EHMT2: variants seen among roughly 807,000 people sequenced by gnomAD.
EHMT2 encodes the protein euchromatic histone lysine methyltransferase 2.
EHMT2 carries 59 observed loss-of-function variants against 143.3 expected under a neutral mutation model. That is an observed-to-expected ratio of 0.41 (90% CI 0.33 to 0.51). The LOEUF is 0.51. Among genes scored for constraint, EHMT2 ranks in the 20% least tolerant of loss-of-function variants. EHMT2 has a pLI of 0.18. For missense variants in EHMT2, 1,174 were observed against 1,645.9 expected, an observed-to-expected ratio of 0.71 and a Z score of 4.96; for synonymous variants, 604 against 651.5, an observed-to-expected ratio of 0.93 and a Z score of 1.11.
chr6:31,894,180 CTTG>C (rs1766060071), intron 4 of EHMT2, among the ~76,000 whole-genome samples: 1 of 151,312 alleles, frequency 6.6e-6, no homozygotes, highest in South Asian at 2.1e-4. Flanking sequence ...GAGTTTTGCT[CTTG>C]TTGTCCAGGC....
intron 5 of EHMT2, 44 bp downstream of exon 5, chr6:31,892,782 G>C (rs1348116022): frequency 6.8e-6 from 11 of 1,612,856 alleles, no homozygotes; most frequent in South Asian, 2.2e-5. Context: ...GAAACCTTCA[G>C]AACAGACCAC....
Position 31,883,778 on chromosome 6 carries a change from T to C in EHMT2, c.2916+28A>G, listed in dbSNP as rs1326900043. 4 of 1,609,762 alleles carry C rather than the reference T, an allele frequency of 2.5e-6. No homozygotes were observed. Among genetic ancestry groups the C allele is most frequent in the African/African-American group, 2.7e-5 (2 of 74,884 alleles). On this transcript the variant is annotated intron_variant, in intron 22 of 27. Coordinates refer to ENST00000375537, the Ensembl canonical transcript of EHMT2. This position sits in a 1 kb window ranked among gnomAD's most constrained non-coding sequence, Gnocchi z 5.6. ...GTACTTGGCAGCTCTCGGTGTCCTT[T>C]TGGGGAGGCCCCGGGCCCCCTACTC...
rs373341395 is a variant in EHMT2, at chr6:31,896,522, A to C, written c.329-6T>G. 2.5e-6 allele frequency: 4 copies of C among 1,612,152 alleles called. No individual in the cohort carries two copies. The highest frequency in any genetic ancestry group is 3.4e-6 in the Non-Finnish European group (4 of 1,179,592). Reference sequence around the variant, plus strand: ...GAATGACTTTGTGGCATGGCCTAGAAAACAGGCAAGCAAAAGGCAAGATAA... The same window carrying C: ...GAATGACTTTGTGGCATGGCCTAGACAACAGGCAAGCAAAAGGCAAGATAA... On this transcript the variant is annotated splice_polypyrimidine_tract_variant and splice_region_variant and intron_variant, in intron 3 of 27. Transcript: ENST00000375537.
At chr6:31,882,834 C>T in intron 24 of EHMT2, 49 bp from the exon 25 acceptor site, 1 of 1,611,818 alleles carries the variant, frequency 6.2e-7, no homozygotes, top group Non-Finnish European at 8.5e-7. Context: ...TGGAAAAGCC[C>T]CAGGGGCAGG....
intron 4 of EHMT2, chr6:31,895,991 C>T (rs1766359674): frequency 2.5e-6 from 1 of 393,726 alleles, no homozygotes; most frequent in Non-Finnish European, 4.5e-6. Context: ...GTTTGAAATT[C>T]CCTTACCTTG....
intron 1 of EHMT2, 110 bp from the exon 2 acceptor site, chr6:31,897,099 C>T (rs1766620350): frequency 6.9e-7 from 1 of 1,453,562 alleles, no homozygotes. Context: ...CCTACCTCTT[C>T]CTCTGTGGGG....
exon 3 of EHMT2, chr6:31,896,728 G>C (rs749076773): frequency 7.1e-5 from 114 of 1,612,830 alleles, no homozygotes; most frequent in Non-Finnish European, 9.4e-5. Flanking sequence ...GACAGTGACA[G>C]AGGCTGGAGA....
rs1197445263 is a variant in EHMT2, at chr6:31,880,687, A to G, written c.3438T>C (p.Thr1146=). The G allele has an allele frequency of 1.2e-6, 2 of 1,613,642 alleles. No individual in the cohort carries two copies. The highest frequency in any genetic ancestry group is 4.5e-5 in the East Asian group (2 of 44,892). Residue 1146 remains threonine (T), a synonymous_variant, in exon 27 of 28, where the codon ACT becomes ACC. Transcript: ENST00000375537. This position sits in a 1 kb window ranked among gnomAD's most constrained non-coding sequence, Gnocchi z 6.6. ...TAGAGTCTCACCCTAGCTCCTCCCC[A>G]GTCCGGATGTCTCGGGAACTGAAGA...
chr6:31,894,515 T>G (rs1468507665), intron 4 of EHMT2, among the ~76,000 whole-genome samples: 1 of 152,120 alleles, frequency 6.6e-6, no homozygotes, highest in Non-Finnish European at 1.5e-5. Flanking sequence ...ACTCCTGACC[T>G]CAGGTGATCC....
At position 31,883,896 on chromosome 6, in the gene EHMT2, A is replaced by T; in HGVS notation, c.2826T>A (p.Asp942Glu). The stretch of plus-strand genomic sequence containing the variant: ...TGTAATCCTCAGGGCAGGGCTCCCC[A>T]TCCACACCGTTGACACAGGGAATGG... The change falls in exon 22 of 28, where the codon GAT (aspartate) becomes GAA (glutamate). Residue 942 changes from aspartate (D) to glutamate (E), a missense_variant. By Grantham distance (45) the Asp-to-Glu change is conservative. Transcript: ENST00000375537. The surrounding 1 kb of genome is among the most constrained non-coding windows in gnomAD (Gnocchi z 5.6). 6.2e-7 allele frequency: 1 copy of T among 1,613,916 alleles called. No individual in the cohort carries two copies. The highest frequency in any genetic ancestry group is 8.5e-7 in the Non-Finnish European group (1 of 1,179,958).
intron 4 of EHMT2, chr6:31,893,472 A>G (rs1229333216): frequency 2.6e-6 from 1 of 381,656 alleles, no homozygotes; most frequent in East Asian, 7.8e-5. Flanking sequence ...CACATGTCAC[A>G]ATGCCTAACT....
In EHMT2 at chr6:31,890,660, T is replaced by C. The variant is rs556936194; in HGVS notation, c.865-1058A>G. 6.0e-5 allele frequency among the ~76,000 whole-genome samples: 9 copies of C among 150,668 alleles called. No homozygotes were observed. In the East Asian group the frequency reaches 1.9e-3, roughly 31 times the overall value. On this transcript the variant is annotated intron_variant, in intron 7 of 27. Coordinates refer to ENST00000375537, the Ensembl canonical transcript of EHMT2. The stretch of plus-strand genomic sequence containing the variant: ...GTGGGCAGATCACGAGATCAGGAGT[T>C]TGAGACCAGCCTGGCCAACATAGTG...
At chr6:31,897,570 C>G in intron 1 of EHMT2, 66 bp downstream of exon 1, 1 of 1,110,610 alleles carries the variant, frequency 9.0e-7, no homozygotes, top group Non-Finnish European at 1.1e-6. Flanking sequence ...GAGCATTGCA[C>G]GGGCGCGCGC....
At position 31,886,273 on chromosome 6, in the gene EHMT2, A is replaced by G. The variant is rs905125867; in HGVS notation, c.2343+308T>C. 9.9e-6 allele frequency: 4 copies of G among 406,074 alleles called. No homozygotes were observed. The Admixed American group carries it at 1.7e-4, about 17-fold the overall frequency. The allele number at this position is 406,074 out of a possible 1,614,324, so 25.2% of individuals were successfully genotyped here. The stretch of plus-strand genomic sequence containing the variant: ...CTTCTGGACAATGATGGAATAATTC[A>G]AAGACTGAGAAGAATGCCAATAAAT... On this transcript the variant is annotated intron_variant, in intron 18 of 27. Transcript: ENST00000375537.
rs1196481490 is a variant in EHMT2, at chr6:31,884,948, T to C, written c.2412A>G (p.Leu804=). The stretch of plus-strand genomic sequence containing the variant: ...GGGTGACGTCGGCGCCCCGCGTCAG[T>C]AGCATGCGGATCACCTCGATGTGCT... Residue 804 remains leucine, a synonymous_variant, in exon 19 of 28, where the codon CTA becomes CTG. Coordinates refer to ENST00000375537, the Ensembl canonical transcript of EHMT2. This position sits in a 1 kb window ranked among gnomAD's most constrained non-coding sequence, Gnocchi z 7.3. The C allele has an allele frequency of 4.3e-6, 7 of 1,610,446 alleles. No homozygotes were observed. The highest frequency in any genetic ancestry group is 2.2e-5 in the South Asian group (2 of 91,024).
chr6:31,882,632 G>T, intron 25 of EHMT2, 67 bp downstream of exon 25: 1 of 1,464,366 alleles, frequency 6.8e-7, no homozygotes, highest in Non-Finnish European at 9.4e-7. Flanking sequence ...TGAGAGGGAG[G>T]CCTGGCAGTC....
intron 4 of EHMT2, chr6:31,893,808 A>C: frequency 5.6e-6 from 1 of 177,204 alleles, no homozygotes; most frequent in Admixed American, 5.6e-5. Context: ...ATTTATAGAG[A>C]AAGAAAGGAC....
rs747058227 is a variant in EHMT2, at chr6:31,889,548, C to G, written c.919G>C (p.Glu307Gln). Residue 307 changes from glutamate (E) to glutamine (Q), a missense_variant, in exon 8 of 28, where the codon GAG becomes CAG. By Grantham distance (29) the Glu-to-Gln change is conservative. Coordinates refer to ENST00000375537, the Ensembl canonical transcript of EHMT2. The surrounding 1 kb of genome is among the most constrained non-coding windows in gnomAD (Gnocchi z 5.1). ...TCCTCTTCCTCTTCTTCTTCTTCCT[C>G]CTCTTCCTCCTCCTCCTCTTCACTT... 6.2e-7 allele frequency: 1 copy of G among 1,611,670 alleles called. No homozygotes were observed. The highest frequency in any genetic ancestry group is 2.2e-5 in the East Asian group (1 of 44,884).
Position 31,883,572 on chromosome 6 carries a change from C to G in EHMT2, c.2917-133G>C. ...GTTACAACAGTGGGTGGTGATGGTCCTAGGGTGACGGGTAATCAGTATGGT... is the reference window on the plus strand; with the variant it reads ...GTTACAACAGTGGGTGGTGATGGTCGTAGGGTGACGGGTAATCAGTATGGT... On this transcript the variant is annotated intron_variant, in intron 22 of 27. Transcript: ENST00000375537. The surrounding 1 kb of genome is among the most constrained non-coding windows in gnomAD (Gnocchi z 5.6). 1 of 1,055,336 alleles carries G rather than the reference C, an allele frequency of 9.5e-7. No individual in the cohort carries two copies. The highest frequency in any genetic ancestry group is 1.4e-6 in the Non-Finnish European group (1 of 706,914). The allele number at this position is 1,055,336 out of a possible 1,614,324, so 65.4% of individuals were successfully genotyped here.
Sources: allele counts gnomAD v4.1 joint callset (sites outside exome capture counted in the v4.1 genomes callset), GRCh38; gene constraint gnomAD v4.1.1; non-coding constraint Gnocchi (gnomAD v3.1); transcripts MANE v1.5; gene names NCBI Gene and HGNC (gene_info 2026-07-23, HGNC 2026-07-21).